The following RNF4 variants were observed in gnomAD, a reference collection of about 807,000 sequenced individuals.
RNF4 encodes the protein E3 ubiquitin-protein ligase RNF4.
RNF4 carries 7 observed loss-of-function variants against 24.3 expected under a neutral mutation model. The ratio of observed to expected loss-of-function variants is 0.29; its 90% CI spans 0.16 to 0.54. The LOEUF is 0.54. Among genes scored for constraint, RNF4 ranks in the 20% least tolerant of loss-of-function variants. The pLI, the probability that RNF4 is intolerant of heterozygous loss-of-function variation, is 0.95. For missense variants in RNF4, 209 were observed against 248.5 expected (o/e 0.84, Z 1.07); for synonymous variants, 83 against 84.3 (o/e 0.98, Z 0.09).
rs1035360967 is a variant in RNF4, at chr4:2,514,859, C to G, written c.*1040C>G. On this transcript the variant is annotated 3_prime_UTR_variant, in exon 8 of 8. Coordinates refer to ENST00000314289, the MANE Select transcript of RNF4 (RefSeq NM_002938.5). ...ACCTGTCTTGGCTTTCTCATCCTTCCCAACCCAGTGCCGTTTATTTCAGAA... is the reference window on the plus strand; with the variant it reads ...ACCTGTCTTGGCTTTCTCATCCTTCGCAACCCAGTGCCGTTTATTTCAGAA... 3 of 152,694 alleles carry G rather than the reference C, an allele frequency of 2.0e-5. No homozygotes were observed. Among genetic ancestry groups the G allele is most frequent in the Non-Finnish European group, 4.4e-5 (3 of 68,114 alleles). The allele number at this position is 152,694 out of a possible 1,614,324, so 9.5% of individuals were successfully genotyped here. A position where few individuals can be genotyped will look rare whatever the true frequency, so the allele number is the denominator to read the frequency against.
chr4:2,497,866 C>T (rs1019398572), intron 3 of RNF4, among the ~76,000 whole-genome samples: 3 of 152,136 alleles, frequency 2.0e-5, no homozygotes, highest in African/African-American at 7.2e-5. Context: ...GATCTCCTGA[C>T]CTTGTGATCC....
Position 2,512,184 on chromosome 4 carries a change from T to C in RNF4, c.214+219T>C. On this transcript the variant is annotated intron_variant, in intron 5 of 7. Coordinates refer to ENST00000314289, the MANE Select transcript of RNF4 (RefSeq NM_002938.5). This position sits in a 1 kb window ranked among gnomAD's most constrained non-coding sequence, Gnocchi z 4.1. Reference sequence around the variant, plus strand: ...ATCATTGAGCACTGAGCTATAGTCCTTTCTTGTGGCCTACCAGATTTTGGA... The same window carrying C: ...ATCATTGAGCACTGAGCTATAGTCCCTTCTTGTGGCCTACCAGATTTTGGA... 1.6e-6 allele frequency: 1 copy of C among 642,976 alleles called. No homozygotes were observed. Among genetic ancestry groups the C allele is most frequent in the Non-Finnish European group, 2.7e-6 (1 of 369,568 alleles). The allele number at this position is 642,976 out of a possible 1,614,324, so 39.8% of individuals were successfully genotyped here.
intron 2 of RNF4, chr4:2,494,488 C>G (rs928839347): frequency 6.6e-6 from 1 of 151,616 alleles, no homozygotes; most frequent in Non-Finnish European, 1.5e-5. Context: ...CACCATTCTC[C>G]TGCCGCAGCC....
chr4:2,495,239 A>G (rs1578513843), intron 2 of RNF4, among the ~76,000 whole-genome samples: 3 of 152,164 alleles, frequency 2.0e-5, no homozygotes, highest in Admixed American at 2.0e-4. Flanking sequence ...TCAAGCTGCC[A>G]TTTGATAAGA....
rs538252584 is a variant in RNF4, at chr4:2,513,215, G to A, written c.423+84G>A. ...TGGATGAGACAGGATCTTCCCCCTC[G>A]GTGGGATTGGACACCCCTACTCACA... On this transcript the variant is annotated intron_variant, in intron 7 of 7. Transcript: ENST00000314289. The A allele has an allele frequency of 2.2e-5, 29 of 1,310,558 alleles. No homozygotes were observed. The South Asian group carries it at 2.7e-4, about 12-fold the overall frequency. 81.2% of individuals were successfully genotyped at this position (1,310,558 alleles called of 1,614,324 possible).
chr4:2,506,733 G>C (rs997110917), intron 4 of RNF4, among the ~76,000 whole-genome samples: 1 of 151,936 alleles, frequency 6.6e-6, no homozygotes, highest in African/African-American at 2.4e-5. Context: ...ATCCCTGGCT[G>C]ATTTTTTATA....
intron 1 of RNF4, among the ~76,000 whole-genome samples, chr4:2,484,306 C>T (rs922438039): frequency 7.9e-5 from 12 of 151,900 alleles, no homozygotes; most frequent in Non-Finnish European, 1.2e-4. Flanking sequence ...CTCCCCACTG[C>T]CCCTTTTCAG....
chr4:2,491,855 T>C (rs2108762515), intron 2 of RNF4, among the ~76,000 whole-genome samples: 1 of 151,812 alleles, frequency 6.6e-6, no homozygotes, highest in East Asian at 2.0e-4. Context: ...CACCTCAGCA[T>C]CCTGAGTAGT....
At chr4:2,490,069 G>C (rs1735535483) in intron 1 of RNF4, among the ~76,000 whole-genome samples, 1 of 152,156 alleles carries the variant, frequency 6.6e-6, no homozygotes, top group South Asian at 2.1e-4. Context: ...CCTCCCAGCA[G>C]TTAGCACGGT....
At chr4:2,479,017 G>A (rs1436233292) in intron 1 of RNF4, among the ~76,000 whole-genome samples, 4 of 152,230 alleles carry the variant, frequency 2.6e-5, no homozygotes, top group Admixed American at 1.3e-4. Flanking sequence ...TAAGGCCATG[G>A]GAACTCACCT....
intron 1 of RNF4, among the ~76,000 whole-genome samples, chr4:2,483,290 T>C (rs1181930512): frequency 2.0e-5 from 3 of 152,204 alleles, no homozygotes; most frequent in African/African-American, 7.2e-5. Flanking sequence ...CAGCGGTCAC[T>C]GGTTCCACAG....
chr4:2,494,502 C>T (rs537065037), intron 2 of RNF4: 1 of 151,978 alleles, frequency 6.6e-6, no homozygotes, highest in East Asian at 1.9e-4. Flanking sequence ...CGCAGCCTCC[C>T]AAGTAGCTGG....
chr4:2,472,594 A>C (rs1312167271), intron 1 of RNF4, among the ~76,000 whole-genome samples: 3 of 114,070 alleles, frequency 2.6e-5, no homozygotes, highest in Admixed American at 2.0e-4. Flanking sequence ...CTCCACTGCC[A>C]GTCTCTTAAA....
chr4:2,481,887 T>C (rs1238518038), intron 1 of RNF4, among the ~76,000 whole-genome samples: 1 of 152,186 alleles, frequency 6.6e-6, no homozygotes, highest in Non-Finnish European at 1.5e-5. Context: ...TTTTGTATTT[T>C]TTTGTAGAGA....
chr4:2,512,946 T>C lies in RNF4; in HGVS notation c.375-137T>C. 2.3e-6 allele frequency: 2 copies of C among 851,518 alleles called. No homozygotes were observed. The highest frequency in any genetic ancestry group is 3.8e-6 in the Non-Finnish European group (2 of 519,742). The allele number at this position is 851,518 out of a possible 1,614,324, so 52.7% of individuals were successfully genotyped here. ...GGGGCAGTTGGCTTTCCTGAAAGTC[T>C]CTCGGATGCCCGCGCTAAGGCAGAG... On this transcript the variant is annotated intron_variant, in intron 6 of 7. Transcript: ENST00000314289. This position sits in a 1 kb window ranked among gnomAD's most constrained non-coding sequence, Gnocchi z 4.1.
intron 1 of RNF4, among the ~76,000 whole-genome samples, chr4:2,475,698 G>C (rs1184216727): frequency 6.6e-6 from 1 of 152,124 alleles, no homozygotes; most frequent in Non-Finnish European, 1.5e-5. Context: ...TGTCCAGGCT[G>C]GTCTCAGACT....
Position 2,490,222 on chromosome 4 carries a change from G to T in RNF4, c.-157-115G>T, listed in dbSNP as rs148794369. 1.7e-5 allele frequency: 7 copies of T among 410,032 alleles called. No homozygotes were observed. In the East Asian group the frequency reaches 2.7e-4, roughly 16 times the overall value. The allele number at this position is 410,032 out of a possible 1,614,324, so 25.4% of individuals were successfully genotyped here. ...AATATAGGATTAAGGATGTCATTGC[G>T]TGAAATAGTAAGCAAATAACCTAGG... On this transcript the variant is annotated intron_variant, in intron 1 of 7. Coordinates refer to ENST00000314289, the MANE Select transcript of RNF4 (RefSeq NM_002938.5).
intron 1 of RNF4, chr4:2,481,029 A>G (rs1735228539): frequency 1.3e-5 from 2 of 152,274 alleles, no homozygotes; most frequent in African/African-American, 4.8e-5. Flanking sequence ...AGCTGAACCA[A>G]GCCATGTAAT....
At chr4:2,491,263 G>T (rs1269488669) in intron 2 of RNF4, among the ~76,000 whole-genome samples, 1 of 152,134 alleles carries the variant, frequency 6.6e-6, no homozygotes, top group Non-Finnish European at 1.5e-5. Context: ...TTGAAACAGG[G>T]TCTCGCTCTG....
Sources: gnomAD v4.1 joint callset for allele counts (sites outside exome capture counted in the v4.1 genomes callset) on GRCh38, gnomAD v4.1.1 for gene constraint, Gnocchi (gnomAD v3.1) non-coding constraint, MANE v1.5 for transcripts, NCBI Gene and HGNC (gene_info 2026-07-23, HGNC 2026-07-21) for gene names.